The following PLEKHA6 variants were observed in gnomAD, a reference collection of about 807,000 sequenced individuals.
The protein encoded by PLEKHA6 is pleckstrin homology domain-containing family A member 6.
Under a neutral mutation model 116.7 loss-of-function variants are expected in PLEKHA6, and 60 were observed. The ratio of observed to expected loss-of-function variants is 0.51; its 90% CI spans 0.42 to 0.64. PLEKHA6 has a LOEUF of 0.64. Among genes scored for constraint, PLEKHA6 ranks in the 30% least tolerant of loss-of-function variants. PLEKHA6 has a pLI of 0.00. For synonymous variants in PLEKHA6, 489 were observed against 556.1 expected (o/e 0.88, Z 1.70); for missense variants, 1,338 against 1,422.7 (o/e 0.94, Z 0.96).
chr1:204,257,816 T>C lies in PLEKHA6; in HGVS notation c.1061A>G (p.Tyr354Cys). ...SRRVPEYYGP[Y>C]SSQYPDDYQY... Reference sequence around the variant, plus strand: ...ATAATCATCGGGGTACTGGGAGGAGTAGGGGCCATAGTACTCAGGGACCCT... The same window carrying C: ...ATAATCATCGGGGTACTGGGAGGAGCAGGGGCCATAGTACTCAGGGACCCT... Residue 354 changes from tyrosine (Y) to cysteine (C), a missense_variant, in exon 9 of 23, where the codon TAC becomes TGC. Coordinates refer to ENST00000272203, the MANE Select transcript of PLEKHA6 (RefSeq NM_014935.5). This position sits in a 1 kb window ranked among gnomAD's most constrained non-coding sequence, Gnocchi z 6.5. 6.2e-7 allele frequency: 1 copy of C among 1,612,666 alleles called. No homozygotes were observed. The highest frequency in any genetic ancestry group is 8.5e-7 in the Non-Finnish European group (1 of 1,179,618).
intron 1 of PLEKHA6, among the ~76,000 whole-genome samples, chr1:204,348,719 C>G (rs527528100): frequency 1.3e-5 from 2 of 151,352 alleles, no homozygotes; most frequent in African/African-American, 4.9e-5. Flanking sequence ...GCCAAACCCC[C>G]CCCCCGCCAT....
At chr1:204,326,757 T>C (rs917878034) in intron 1 of PLEKHA6, among the ~76,000 whole-genome samples, 12 of 152,306 alleles carry the variant, frequency 7.9e-5, no homozygotes, top group Non-Finnish European at 1.5e-4. Flanking sequence ...CTTGGTTGGT[T>C]GGTTCATTCA....
Position 204,241,750 on chromosome 1 carries a change from C to A in PLEKHA6, c.2237G>T (p.Arg746Ile), listed in dbSNP as rs778490952. Reference protein sequence around the residue: ...PHQTLPLDTPRDISLVPTRQE... With the variant: ...PHQTLPLDTPIDISLVPTRQE... ...CCTGGTGGGCACAAGGCTGATGTCT[C>A]TGGGGGTGTCCAGGGGCAATGTCTG... Residue 746 changes from arginine (R) to isoleucine (I), a missense_variant, in exon 16 of 23, where the codon AGA becomes ATA. Physicochemically the swap from Arg to Ile is moderately conservative, Grantham distance 97. This residue lies in a region of PLEKHA6 where 1,136 missense variants were observed against 1,163.6 expected (regional missense o/e 0.98). Transcript: ENST00000272203. 1.2e-6 allele frequency: 2 copies of A among 1,614,030 alleles called. No individual in the cohort carries two copies. Among genetic ancestry groups the A allele is most frequent in the Non-Finnish European group, 1.7e-6 (2 of 1,179,952 alleles).
intron 1 of PLEKHA6, among the ~76,000 whole-genome samples, chr1:204,311,130 G>A (rs1011274237): frequency 1.3e-5 from 2 of 152,198 alleles, no homozygotes; most frequent in Non-Finnish European, 2.9e-5. Context: ...TTATCCACAG[G>A]CCGCTTGAAC....
At chr1:204,227,096 A>G (rs1660467126) in intron 21 of PLEKHA6, among the ~76,000 whole-genome samples, 1 of 152,170 alleles carries the variant, frequency 6.6e-6, no homozygotes, top group Non-Finnish European at 1.5e-5. Context: ...AATCACCAAC[A>G]TGAAACGCCA....
chr1:204,307,310 G>A (rs1175157452), intron 1 of PLEKHA6: 1 of 152,190 alleles, frequency 6.6e-6, no homozygotes, highest in Admixed American at 6.5e-5. Flanking sequence ...TCTTCCTAGC[G>A]GAGATCCCCA....
intron 12 of PLEKHA6, among the ~76,000 whole-genome samples, 155 bp from the exon 13 acceptor site, chr1:204,247,615 T>A (rs553351784): frequency 1.3e-5 from 2 of 152,186 alleles, no homozygotes; most frequent in Non-Finnish European, 1.5e-5. Context: ...GGCTGAGACA[T>A]TCTGGTGACA....
intron 14 of PLEKHA6, among the ~76,000 whole-genome samples, 176 bp from the exon 15 acceptor site, chr1:204,245,179 C>T (rs1663463590): frequency 6.6e-6 from 1 of 152,108 alleles, no homozygotes; most frequent in African/African-American, 2.4e-5. Context: ...GTTCTGGGGC[C>T]ACAGGCTGGC....
At chr1:204,246,428 C>A (rs561813818) in intron 13 of PLEKHA6, among the ~76,000 whole-genome samples, 1 of 152,156 alleles carries the variant, frequency 6.6e-6, no homozygotes, top group African/African-American at 2.4e-5. Context: ...CCCTATCCCC[C>A]CTACTAAAAT....
At position 204,249,178 on chromosome 1, in the gene PLEKHA6, T is replaced by TCTCAC. The variant is rs1664200373; in HGVS notation, c.1674+1_1674+5dup. ...CCCCAGCTTAAAGCCACCCCCAGCT[T>TCTCAC]CTCACCTTCTCAGCTCGGAGCTGCT... On this transcript the variant is annotated splice_donor_region_variant and intron_variant, in intron 11 of 22. Coordinates refer to ENST00000272203, the MANE Select transcript of PLEKHA6 (RefSeq NM_014935.5). The TCTCAC allele has an allele frequency of 1.2e-6, 2 of 1,609,506 alleles. No individual in the cohort carries two copies. The highest frequency in any genetic ancestry group is 2.7e-5 in the African/African-American group (2 of 74,808).
chr1:204,224,369 G>T (rs149146115), intron 21 of PLEKHA6, among the ~76,000 whole-genome samples: 1 of 151,780 alleles, frequency 6.6e-6, no homozygotes, highest in Non-Finnish European at 1.5e-5. Flanking sequence ...CACTGTAGCC[G>T]CGAGGCAGGA....
At chr1:204,249,154 C>G (rs1301067625) in intron 11 of PLEKHA6, 30 bp downstream of exon 11, 1 of 1,590,696 alleles carries the variant, frequency 6.3e-7, no homozygotes, top group South Asian at 1.1e-5. Flanking sequence ...GCCCATCTGC[C>G]CCAGCTTAAA....
At position 204,223,025 on chromosome 1, in the gene PLEKHA6, T is replaced by A. The variant is rs2102356251; in HGVS notation, c.*9-246A>T. Among the ~76,000 whole-genome samples the A allele has an allele frequency of 6.6e-6, 1 of 152,316 alleles. No homozygotes were observed. Among genetic ancestry groups the A allele is most frequent in the African/African-American group, 2.4e-5 (1 of 41,572 alleles). On this transcript the variant is annotated intron_variant, in intron 22 of 22. Coordinates refer to ENST00000272203, the MANE Select transcript of PLEKHA6 (RefSeq NM_014935.5). The surrounding 1 kb of genome is among the most constrained non-coding windows in gnomAD (Gnocchi z 4.8). ...CCTTTGGCCGTAGTTGTCAATGTTA[T>A]TTTAATTTACAGTAAGATCTGGGAG...
chr1:204,356,925 A>G (rs79419911), intron 1 of PLEKHA6, among the ~76,000 whole-genome samples: 2,347 of 152,346 alleles, frequency 0.015, 69 homozygotes, highest in African/African-American at 0.053. Flanking sequence ...CCCAAAACAC[A>G]GAAAGAGCCT....
chr1:204,293,456 G>A (rs995536052), intron 1 of PLEKHA6, among the ~76,000 whole-genome samples: 5 of 152,050 alleles, frequency 3.3e-5, no homozygotes, highest in Admixed American at 6.5e-5. Context: ...ATTTTAACGC[G>A]ATATTTTTGA....
At chr1:204,347,320 A>G in intron 1 of PLEKHA6, 1 of 752,726 alleles carries the variant, frequency 1.3e-6, no homozygotes, top group Non-Finnish European at 2.3e-6. Flanking sequence ...TTTTGAAAGA[A>G]GAGAAATATG....
rs377003417 is a variant in PLEKHA6, at chr1:204,338,306, C to A, written c.-95+21388G>T. Among the ~76,000 whole-genome samples the A allele has an allele frequency of 5.3e-5, 8 of 152,164 alleles. No individual in the cohort carries two copies. The South Asian group carries it at 6.2e-4, about 12-fold the overall frequency. On this transcript the variant is annotated intron_variant, in intron 1 of 22. Transcript: ENST00000272203. ...ATATGTAAAAGAATGTAAAAGAATT[C>A]TTTTACATATGTGAAAGAATATATG... is the stretch of plus-strand genomic sequence containing the variant.
At chr1:204,280,201 AG>A in intron 1 of PLEKHA6, 1 of 577,238 alleles carries the variant, frequency 1.7e-6, no homozygotes, top group Non-Finnish European at 2.2e-6. Flanking sequence ...CAACCCCTAC[AG>A]TACCTCACAT....
intron 1 of PLEKHA6, among the ~76,000 whole-genome samples, chr1:204,299,368 G>C (rs1396641826): frequency 6.6e-6 from 1 of 152,220 alleles, no homozygotes. Context: ...GAAGAAAGAG[G>C]AGGGTCAGAG....
Sources: allele counts gnomAD v4.1 joint callset (sites outside exome capture counted in the v4.1 genomes callset), GRCh38; gene constraint gnomAD v4.1.1; regional missense constraint gnomAD v4.1.1; non-coding constraint Gnocchi (gnomAD v3.1); transcripts MANE v1.5; gene names NCBI Gene and HGNC (gene_info 2026-07-23, HGNC 2026-07-21).